The following FRMPD1 variants were observed in gnomAD, a reference collection of about 807,000 sequenced individuals.
FRMPD1 encodes FERM and PDZ domain-containing protein 1.
FRMPD1 carries 76 observed loss-of-function variants against 117.8 expected under a neutral mutation model. The observed-to-expected ratio is 0.65, with a 90% CI of 0.54 to 0.78. The LOEUF is 0.78. Ranked by LOEUF, FRMPD1 falls within the 30% of genes least tolerant of loss-of-function variation. The pLI, the probability that FRMPD1 is intolerant of heterozygous loss-of-function variation, is 0.00. For missense variants in FRMPD1, 1,786 were observed against 1,964.5 expected (o/e 0.91, Z 1.72); for synonymous variants, 783 against 770.4 (o/e 1.02, Z -0.27).
chr9:37,616,117 CTTT>C, the FRMPD1 span, among the ~76,000 whole-genome samples: 1,036 of 96,708 alleles, frequency 0.011, 9 homozygotes, highest in African/African-American at 0.041. Flanking sequence ...GTGCCCAGCC[CTTT>C]TTTTTTTTTT....
chr9:37,723,089 G>C (rs1307248192), intron 6 of FRMPD1, among the ~76,000 whole-genome samples: 1 of 152,090 alleles, frequency 6.6e-6, no homozygotes, highest in Non-Finnish European at 1.5e-5. Flanking sequence ...ATGTAGTGGA[G>C]AGCATCCCTC....
rs1199102330 is a variant in FRMPD1, at chr9:37,744,975, T to G, written c.2943T>G (p.Thr981=). 2 of 1,614,226 alleles carry G rather than the reference T, an allele frequency of 1.2e-6. No individual in the cohort carries two copies. The highest frequency in any genetic ancestry group is 1.7e-5 in the Admixed American group (1 of 60,034). The part of the protein sequence containing the change: ...CSNPGSSGPD[T]AQARPSQILP... ...ACCCAGGTTCATCTGGCCCAGATAC[T>G]GCTCAGGCAAGGCCTTCCCAAATCT... Residue 981 remains threonine, a synonymous_variant, in exon 16 of 16, where the codon ACT becomes ACG. Coordinates refer to ENST00000377765, the MANE Select transcript of FRMPD1 (RefSeq NM_014907.3).
At chr9:37,690,736 A>G (rs1294892651) in intron 1 of FRMPD1, among the ~76,000 whole-genome samples, 1 of 152,206 alleles carries the variant, frequency 6.6e-6, no homozygotes, top group African/African-American at 2.4e-5. Context: ...GCTATATAAT[A>G]TCACAGACTG....
rs1187300792 is a variant in FRMPD1 at position 37,745,832 on chromosome 9, C to T, written c.3800C>T (p.Pro1267Leu). The change falls in exon 16 of 16, where the codon CCT becomes CTT. Residue 1267 changes from proline to leucine, a missense_variant. Coordinates refer to ENST00000377765, the MANE Select transcript of FRMPD1 (RefSeq NM_014907.3). ...PEPLPCPQED[P>L]HLETSNHCLL... ...CCACTACCATGTCCACAAGAGGATCCTCACTTAGAAACTTCAAACCATTGC... is the reference window on the plus strand; with the variant it reads ...CCACTACCATGTCCACAAGAGGATCTTCACTTAGAAACTTCAAACCATTGC... The T allele has an allele frequency of 1.2e-6, 2 of 1,614,144 alleles. No individual in the cohort carries two copies. The highest frequency in any genetic ancestry group is 1.7e-6 in the Non-Finnish European group (2 of 1,179,984).
At chr9:37,676,160 T>C (rs989100127) in intron 1 of FRMPD1, among the ~76,000 whole-genome samples, 1 of 152,222 alleles carries the variant, frequency 6.6e-6, no homozygotes, top group Non-Finnish European at 1.5e-5. Context: ...TGGTTTATAC[T>C]CACATTAAAT....
chr9:37,723,324 C>T (rs1823477018), intron 6 of FRMPD1, among the ~76,000 whole-genome samples: 1 of 152,194 alleles, frequency 6.6e-6, no homozygotes, highest in Non-Finnish European at 1.5e-5. Context: ...AGACATTGCA[C>T]AGGCTCGCGC....
Position 37,740,955 on chromosome 9 carries a change from G to A in FRMPD1, c.2356+71G>A. ...AGTGCCTCCCGGGGATCAAGGCCTG[G>A]GGCCAAGCTTGAGAGGAAGGCACAT... On this transcript the variant is annotated intron_variant, in intron 15 of 15. Coordinates refer to ENST00000377765, the MANE Select transcript of FRMPD1 (RefSeq NM_014907.3). The surrounding 1 kb of genome is among the most constrained non-coding windows in gnomAD (Gnocchi z 4.2). 1 of 1,190,156 alleles carries A rather than the reference G, an allele frequency of 8.4e-7. No homozygotes were observed. The highest frequency in any genetic ancestry group is 1.3e-6 in the Non-Finnish European group (1 of 799,778). The allele number at this position is 1,190,156 out of a possible 1,614,324, so 73.7% of individuals were successfully genotyped here.
Position 37,735,629 on chromosome 9 carries a change from C to A in FRMPD1, c.1296C>A (p.Leu432=), listed in dbSNP as rs1824083347. 3 of 1,613,746 alleles carry A rather than the reference C, an allele frequency of 1.9e-6. No homozygotes were observed. Among genetic ancestry groups the A allele is most frequent in the Non-Finnish European group, 2.5e-6 (3 of 1,179,668 alleles). ...YGISQVINSK[L]NIMSTLAEFA... is the part of the protein sequence containing the mutation. ...TTAGCCAGGTTATCAATAGCAAACT[C>A]AACATCATGTCCACATTGGCAGAGT... The change falls in exon 13 of 16, where the codon CTC becomes CTA. Residue 432 remains leucine (L), a synonymous_variant. Transcript: ENST00000377765.
At chr9:37,681,225 AAAAAGAAAGAAAG>A (rs1355741856) in intron 1 of FRMPD1, among the ~76,000 whole-genome samples, 5 of 151,886 alleles carry the variant, frequency 3.3e-5, no homozygotes, top group East Asian at 3.9e-4. Context: ...AAAAAAAAAA[AAAAAGAAAGAAAG>A]AAAAGAAAAA....
chr9:37,663,803 G>T (rs889597526), intron 1 of FRMPD1, among the ~76,000 whole-genome samples: 1 of 152,146 alleles, frequency 6.6e-6, no homozygotes, highest in Non-Finnish European at 1.5e-5. Context: ...ATATCCTCTT[G>T]TATACTTCAG....
In FRMPD1 at chr9:37,745,089, C is replaced by T; in HGVS notation, c.3057C>T (p.Asp1019=). The T allele has an allele frequency of 6.2e-7, 1 of 1,614,118 alleles. No individual in the cohort carries two copies. The highest frequency in any genetic ancestry group is 8.5e-7 in the Non-Finnish European group (1 of 1,179,990). The change falls in exon 16 of 16, where the codon GAC becomes GAT. Residue 1019 remains aspartate, a synonymous_variant. Transcript: ENST00000377765. ...GDSSFSLSSG[D]PNPDRACLAS... Reference sequence around the variant, plus strand: ...GCTCCTTCTCCCTCTCCAGTGGTGACCCTAACCCAGACAGAGCCTGCCTGG... The same window carrying T: ...GCTCCTTCTCCCTCTCCAGTGGTGATCCTAACCCAGACAGAGCCTGCCTGG...
Position 37,735,571 on chromosome 9 carries a change from A to G in FRMPD1, c.1238A>G (p.Tyr413Cys). 6.2e-7 allele frequency: 1 copy of G among 1,613,516 alleles called. No individual in the cohort carries two copies. Among genetic ancestry groups the G allele is most frequent in the South Asian group, 1.1e-5 (1 of 91,078 alleles). Residue 413 changes from tyrosine (Y) to cysteine (C), a missense_variant, in exon 13 of 16, where the codon TAC becomes TGC. Tyr to Cys is a radical substitution (Grantham distance 194). Coordinates refer to ENST00000377765, the MANE Select transcript of FRMPD1 (RefSeq NM_014907.3). ...ATLMLQDRES[Y>C]IALLVGAKYG... ...CTGCAGTTACAGGATAGAGAATCCT[A>G]CATTGCCCTTCTAGTTGGAGCCAAG...
Position 37,737,093 on chromosome 9 carries a change from A to G in FRMPD1, c.1402-3A>G. The G allele has an allele frequency of 6.2e-7, 1 of 1,610,384 alleles. No individual in the cohort carries two copies. Among genetic ancestry groups the G allele is most frequent in the Non-Finnish European group, 8.5e-7 (1 of 1,177,020 alleles). On this transcript the variant is annotated splice_polypyrimidine_tract_variant and splice_region_variant and intron_variant, in intron 13 of 15. Coordinates refer to ENST00000377765, the MANE Select transcript of FRMPD1 (RefSeq NM_014907.3). ...AACATGAGATTTCTATTTGCTTTCA[A>G]AGGTTCTGACTTTGCTGCTGGAATC...
chr9:37,698,361 G>A (rs545676264), intron 2 of FRMPD1, among the ~76,000 whole-genome samples: 4 of 152,084 alleles, frequency 2.6e-5, no homozygotes, highest in Admixed American at 6.5e-5. Context: ...TTAATTGTGA[G>A]TGATCTTTGC....
At chr9:37,618,220 G>A in the FRMPD1 span, among the ~76,000 whole-genome samples, 3,512 of 152,240 alleles carry the variant, frequency 0.023, 120 homozygotes, top group African/African-American at 0.073. Context: ...AAAACAAAAA[G>A]GACAAGACAT....
At chr9:37,709,955 T>C (rs2118169098) in intron 4 of FRMPD1, among the ~76,000 whole-genome samples, 1 of 152,368 alleles carries the variant, frequency 6.6e-6, no homozygotes, top group South Asian at 2.1e-4. Context: ...CTGTACCCTC[T>C]GCTGTCTTTT....
intron 5 of FRMPD1, among the ~76,000 whole-genome samples, chr9:37,718,656 G>A (rs1486690678): frequency 5.9e-5 from 9 of 151,648 alleles, no homozygotes; most frequent in South Asian, 2.1e-4. Flanking sequence ...GCCAGAGAGC[G>A]GCAAGGACTG....
rs918474192 is a variant in FRMPD1 at position 37,664,894 on chromosome 9, G to T, written c.-5+13800G>T. ...GATAGCTTTTGTGGGGGGCAATTTG[G>T]CTATATCAAAAGCATTAAAAACTTG... On this transcript the variant is annotated intron_variant, in intron 1 of 15. Transcript: ENST00000377765. Among the ~76,000 whole-genome samples, 5 of 152,246 alleles carry T rather than the reference G, an allele frequency of 3.3e-5. No homozygotes were observed. The South Asian group carries it at 8.3e-4, about 25-fold the overall frequency.
chr9:37,744,974 C>T lies in FRMPD1; in HGVS notation c.2942C>T (p.Thr981Ile). 1 of 1,614,224 alleles carries T rather than the reference C, an allele frequency of 6.2e-7. No homozygotes were observed. The highest frequency in any genetic ancestry group is 8.5e-7 in the Non-Finnish European group (1 of 1,180,024). ...CSNPGSSGPD[T>I]AQARPSQILP... ...AACCCAGGTTCATCTGGCCCAGATA[C>T]TGCTCAGGCAAGGCCTTCCCAAATC... The change falls in exon 16 of 16, where the codon ACT (threonine) becomes ATT (isoleucine). Residue 981 changes from threonine (T) to isoleucine (I), a missense_variant. Thr to Ile is a moderately conservative substitution (Grantham distance 89). Transcript: ENST00000377765.
Sources: allele counts gnomAD v4.1 joint callset (sites outside exome capture counted in the v4.1 genomes callset), GRCh38; gene constraint gnomAD v4.1.1; non-coding constraint Gnocchi (gnomAD v3.1); transcripts MANE v1.5; gene names NCBI Gene and HGNC (gene_info 2026-07-23, HGNC 2026-07-21).